The following TACC2 variants were observed in gnomAD, a reference collection of about 807,000 sequenced individuals.
TACC2 encodes transforming acidic coiled-coil containing protein 2.
In TACC2, 137 loss-of-function variants were observed where a neutral mutation model predicts 227.3. The ratio of observed to expected loss-of-function variants is 0.60; its 90% CI spans 0.52 to 0.69. The LOEUF is 0.69. TACC2 is among the 30% of genes least tolerant of loss of function. The pLI is 0.00. For synonymous variants in TACC2, 1,523 were observed against 1,487.5 expected (o/e 1.02, Z -0.55); for missense variants, 3,470 against 3,694.4 (o/e 0.94, Z 1.57).
At chr10:122,112,480 T>C (rs1288912692) in intron 5 of TACC2, among the ~76,000 whole-genome samples, 1 of 152,188 alleles carries the variant, frequency 6.6e-6, no homozygotes, top group African/African-American at 2.4e-5. Flanking sequence ...GCCCGCGCTG[T>C]TTCTGTGGTT....
chr10:122,051,754 A>T, intron 3 of TACC2: 1 of 145,120 alleles, frequency 6.9e-6, no homozygotes, highest in South Asian at 2.2e-4. Context: ...AAACCTTGAG[A>T]CTCAAAGTGA....
chr10:122,138,237 C>T (rs534841186), intron 6 of TACC2, among the ~76,000 whole-genome samples: 4 of 152,198 alleles, frequency 2.6e-5, no homozygotes, highest in East Asian at 1.9e-4. Flanking sequence ...AGGTTGGGTG[C>T]GGTGGCTTAT....
chr10:122,203,184 C>T (rs2094937264), intron 8 of TACC2, among the ~76,000 whole-genome samples: 1 of 152,224 alleles, frequency 6.6e-6, no homozygotes, highest in Non-Finnish European at 1.5e-5. Context: ...GTACACCTCC[C>T]AGACGGGGTG....
chr10:122,032,588 C>G (rs1018924868), intron 2 of TACC2, among the ~76,000 whole-genome samples: 1 of 152,160 alleles, frequency 6.6e-6, no homozygotes, highest in Non-Finnish European at 1.5e-5. Flanking sequence ...GCTTCTGGTT[C>G]CTCTTCTCTC....
intron 5 of TACC2, among the ~76,000 whole-genome samples, chr10:122,104,692 T>C (rs2082551360): frequency 6.6e-6 from 1 of 152,202 alleles, no homozygotes; most frequent in Admixed American, 6.5e-5. Flanking sequence ...TTTCGTTGTG[T>C]TACTAGTCAA....
chr10:122,142,034 C>A (rs2090646137), intron 6 of TACC2, among the ~76,000 whole-genome samples: 1 of 152,200 alleles, frequency 6.6e-6, no homozygotes, highest in Admixed American at 6.5e-5. Context: ...AGCCACTGCC[C>A]AAATTGTTGC....
intron 7 of TACC2, among the ~76,000 whole-genome samples, chr10:122,155,002 G>A (rs930052118): frequency 1.3e-5 from 2 of 152,194 alleles, no homozygotes; most frequent in East Asian, 1.9e-4. Context: ...CTTCTGTCTC[G>A]ACTGCTGCGG....
At chr10:122,186,077 C>T (rs1419363498) in intron 7 of TACC2, among the ~76,000 whole-genome samples, 2 of 151,894 alleles carry the variant, frequency 1.3e-5, no homozygotes, top group South Asian at 2.1e-4. Context: ...TACAGGTGCC[C>T]ACCAGTACGC....
intron 1 of TACC2, among the ~76,000 whole-genome samples, chr10:121,996,405 A>C (rs144368378): frequency 6.6e-6 from 1 of 152,034 alleles, no homozygotes; most frequent in Admixed American, 6.6e-5. Context: ...TAGAGTGAGA[A>C]GCCACTGCTT....
intron 7 of TACC2, chr10:122,163,989 C>A: frequency 1.3e-6 from 2 of 1,582,934 alleles, no homozygotes; most frequent in Non-Finnish European, 1.7e-6. Context: ...GCTTCCGAGG[C>A]AATGTAAGTG....
At chr10:122,126,193 C>A (rs2086815400) in intron 5 of TACC2, among the ~76,000 whole-genome samples, 1 of 152,184 alleles carries the variant, frequency 6.6e-6, no homozygotes, top group African/African-American at 2.4e-5. Flanking sequence ...CCTACATGGA[C>A]TAACTAGCTG....
chr10:122,186,583 T>C (rs182101908), intron 7 of TACC2, among the ~76,000 whole-genome samples: 99 of 152,174 alleles, frequency 6.5e-4, no homozygotes, highest in African/African-American at 2.1e-3. Flanking sequence ...GCATGATCTC[T>C]GCTCACTGCA....
chr10:122,250,321 G>A (rs889956145), intron 22 of TACC2, among the ~76,000 whole-genome samples: 14 of 152,218 alleles, frequency 9.2e-5, no homozygotes, highest in Non-Finnish European at 1.5e-5. Context: ...TCAAGGAGAG[G>A]ATTTCCAGAT....
rs1179126977 is a variant in TACC2 at position 122,101,723 on chromosome 10, C to CTTTT, written c.5573+13151_5573+13154dup. Reference sequence around the variant, plus strand: ...TACAGGTGCCTGCCACCATGCCCAGCTTTTTTTTTTTTTTTTTTTTTTGTA... The same window carrying CTTTT: ...TACAGGTGCCTGCCACCATGCCCAGCTTTTTTTTTTTTTTTTTTTTTTTTTTGTA... On this transcript the variant is annotated intron_variant, in intron 5 of 22. Transcript: ENST00000369005. Among the ~76,000 whole-genome samples the CTTTT allele has an allele frequency of 1.6e-3, 90 of 55,724 alleles. 2 individuals carry two copies. The East Asian group carries it at 0.021, about 13-fold the overall frequency. 36.6% of individuals were successfully genotyped at this position (55,724 alleles called of 152,430 possible).
chr10:122,240,152 C>T (rs1223039914), intron 18 of TACC2, among the ~76,000 whole-genome samples: 1 of 152,164 alleles, frequency 6.6e-6, no homozygotes, highest in East Asian at 1.9e-4. Context: ...AGTGAAAAAA[C>T]AGCACAGCTA....
At chr10:121,991,730 T>C (rs1031648419) in intron 1 of TACC2, among the ~76,000 whole-genome samples, 1 of 152,190 alleles carries the variant, frequency 6.6e-6, no homozygotes, top group Admixed American at 6.5e-5. Flanking sequence ...GTGACTTTAG[T>C]GTAATTTAAA....
chr10:122,164,079 T>C, intron 7 of TACC2: 1 of 1,476,032 alleles, frequency 6.8e-7, no homozygotes. Flanking sequence ...TCCTAATGCC[T>C]GTGCAACCTG....
At chr10:122,246,846 C>G (rs1329789932) in intron 19 of TACC2, 1 of 138,000 alleles carries the variant, frequency 7.2e-6, no homozygotes, top group South Asian at 2.4e-4. Flanking sequence ...CATGTGTGCA[C>G]ACATCTGATA....
intron 11 of TACC2, among the ~76,000 whole-genome samples, chr10:122,223,443 AC>A (rs1255280218): frequency 6.6e-6 from 1 of 152,116 alleles, no homozygotes; most frequent in Non-Finnish European, 1.5e-5. Flanking sequence ...AGAGTTGGAA[AC>A]ACACTTTCTC....
Sources: allele counts gnomAD v4.1 joint callset (sites outside exome capture counted in the v4.1 genomes callset), GRCh38; gene constraint gnomAD v4.1.1; transcripts MANE v1.5; gene names NCBI Gene and HGNC (gene_info 2026-07-23, HGNC 2026-07-21).